The following GRID2 variants were observed in gnomAD, a reference collection of about 807,000 sequenced individuals.
GRID2 encodes the protein glutamate receptor ionotropic, delta-2.
A neutral mutation model predicts 114.8 loss-of-function variants in GRID2; 33 were observed. That is an observed-to-expected ratio of 0.29 (90% confidence interval 0.22 to 0.38). The LOEUF (loss-of-function observed/expected upper bound fraction) is 0.38, where lower values mean the gene tolerates loss of function less well. GRID2 is among the 10% of genes least tolerant of loss of function. The pLI, the probability that GRID2 is intolerant of heterozygous loss-of-function variation, is 1.00. For synonymous variants in GRID2, 505 were observed against 449.9 expected (o/e 1.12, Z -1.55); for missense variants, 1,184 against 1,257.7 (o/e 0.94, Z 0.89).
At chr4:93,038,587 G>A (rs577146611) in intron 2 of GRID2, among the ~76,000 whole-genome samples, 20 of 152,170 alleles carry the variant, frequency 1.3e-4, no homozygotes, top group East Asian at 5.8e-4. Flanking sequence ...TCAGGAGATC[G>A]AGACCATCCT....
At chr4:92,779,589 G>T (rs942870271) in intron 2 of GRID2, among the ~76,000 whole-genome samples, 3 of 152,064 alleles carry the variant, frequency 2.0e-5, no homozygotes, top group African/African-American at 7.2e-5. Context: ...CTTAGTTATG[G>T]CTTCCATCCT....
intron 2 of GRID2, among the ~76,000 whole-genome samples, chr4:93,075,355 T>G (rs1007523125): frequency 2.0e-5 from 3 of 152,086 alleles, no homozygotes; most frequent in Non-Finnish European, 4.4e-5. Context: ...CCAAAAACCT[T>G]CAGGTTATAT....
intron 10 of GRID2, among the ~76,000 whole-genome samples, chr4:93,442,845 T>C (rs1052642906): frequency 6.6e-6 from 1 of 151,990 alleles, no homozygotes; most frequent in Non-Finnish European, 1.5e-5. Flanking sequence ...ACCTCAAACA[T>C]TAAGTGTTCA....
At chr4:93,552,780 C>T (rs1347617333) in intron 13 of GRID2, among the ~76,000 whole-genome samples, 1 of 147,082 alleles carries the variant, frequency 6.8e-6, no homozygotes, top group African/African-American at 2.5e-5. Context: ...CTACCCCTCC[C>T]CCAGCCCCCC....
At chr4:92,974,190 G>C (rs1369506604) in intron 2 of GRID2, among the ~76,000 whole-genome samples, 3 of 152,154 alleles carry the variant, frequency 2.0e-5, no homozygotes, top group Non-Finnish European at 2.9e-5. Flanking sequence ...GGAAACAACA[G>C]ATGCTGGAGA....
intron 1 of GRID2, among the ~76,000 whole-genome samples, chr4:92,359,222 A>C (rs986885781): frequency 6.6e-6 from 1 of 151,874 alleles, no homozygotes; most frequent in Non-Finnish European, 1.5e-5. Flanking sequence ...TGTGACTTCT[A>C]TTCTTTCTCT....
At chr4:93,506,341 T>C (rs1379838155) in intron 12 of GRID2, among the ~76,000 whole-genome samples, 1 of 152,218 alleles carries the variant, frequency 6.6e-6, no homozygotes, top group Non-Finnish European at 1.5e-5. Context: ...TGTAATCTAA[T>C]CTACCACAGG....
intron 1 of GRID2, among the ~76,000 whole-genome samples, chr4:92,570,664 C>G (rs920454531): frequency 6.6e-6 from 1 of 151,188 alleles, no homozygotes; most frequent in African/African-American, 2.5e-5. Flanking sequence ...TGAAGAGAGC[C>G]TTCACTTCCC....
intron 1 of GRID2, among the ~76,000 whole-genome samples, chr4:92,548,965 TCAC>T (rs943912038): frequency 5.3e-5 from 8 of 151,920 alleles, no homozygotes; most frequent in Non-Finnish European, 1.2e-4. Context: ...CATGGCCAAA[TCAC>T]CTCCCACCAG....
chr4:92,582,599 A>C (rs1728233521), intron 1 of GRID2, among the ~76,000 whole-genome samples: 1 of 152,006 alleles, frequency 6.6e-6, no homozygotes, highest in Admixed American at 6.6e-5. Context: ...TAATTAATAA[A>C]ATTTTATAAA....
intron 14 of GRID2, among the ~76,000 whole-genome samples, chr4:93,744,937 A>AG (rs1223316745): frequency 6.6e-6 from 1 of 152,200 alleles, no homozygotes; most frequent in Non-Finnish European, 1.5e-5. Context: ...CACTAGCAAA[A>AG]CAACTGTGAC....
chr4:93,255,715 C>T (rs185185754), intron 8 of GRID2, among the ~76,000 whole-genome samples: 96 of 152,208 alleles, frequency 6.3e-4, no homozygotes, highest in African/African-American at 2.0e-3. Flanking sequence ...CCCCTTTGAA[C>T]TTCTGCCATG....
intron 14 of GRID2, among the ~76,000 whole-genome samples, chr4:93,730,031 AT>A (rs1016060870): frequency 5.9e-5 from 9 of 152,190 alleles, no homozygotes; most frequent in African/African-American, 2.2e-4. Flanking sequence ...TATATGAATG[AT>A]GAATGAGTGA....
chr4:92,462,643 A>G (rs1292531237), intron 1 of GRID2, among the ~76,000 whole-genome samples: 2 of 151,986 alleles, frequency 1.3e-5, no homozygotes, highest in Non-Finnish European at 2.9e-5. Flanking sequence ...TTGTAATTTA[A>G]TGGACTCCCT....
intron 14 of GRID2, among the ~76,000 whole-genome samples, chr4:93,635,161 CT>C (rs1003105474): frequency 1.3e-5 from 2 of 151,362 alleles, no homozygotes; most frequent in Admixed American, 1.3e-4. Context: ...ATACATCAGA[CT>C]TTTTTTTAAT....
chr4:92,419,358 G>C (rs754639763), intron 1 of GRID2, among the ~76,000 whole-genome samples: 1 of 152,102 alleles, frequency 6.6e-6, no homozygotes, highest in African/African-American at 2.4e-5. Context: ...TGAAGCTGTG[G>C]ATATGGATGA....
intron 4 of GRID2, among the ~76,000 whole-genome samples, chr4:93,162,957 C>T (rs1029874401): frequency 1.8e-4 from 27 of 151,990 alleles, no homozygotes; most frequent in African/African-American, 5.1e-4. Flanking sequence ...AAGCACTTAC[C>T]GCATTTTCTA....
In GRID2 at chr4:92,652,881, A is replaced by C. The variant is rs867980794; in HGVS notation, c.244+62595A>C. Among the ~76,000 whole-genome samples, 39 of 121,352 alleles carry C rather than the reference A, an allele frequency of 3.2e-4. 1 individual carries two copies. Among genetic ancestry groups the C allele is most frequent in the Non-Finnish European group, 5.1e-4 (30 of 58,896 alleles). 79.6% of individuals were successfully genotyped at this position (121,352 alleles called of 152,430 possible). On this transcript the variant is annotated intron_variant, in intron 2 of 15. Transcript: ENST00000282020. ...ATATAAATACATATAAATATATAAA[A>C]ATATATTTATAAATACATATAAATA...
chr4:92,538,432 C>T (rs1025269865), intron 1 of GRID2, among the ~76,000 whole-genome samples: 7 of 152,090 alleles, frequency 4.6e-5, no homozygotes, highest in African/African-American at 1.4e-4. Flanking sequence ...CTAATGTGCT[C>T]AGTGTTTTTA....
Sources: gnomAD v4.1 joint callset for allele counts (sites outside exome capture counted in the v4.1 genomes callset) on GRCh38, gnomAD v4.1.1 for gene constraint, MANE v1.5 for transcripts, NCBI Gene and HGNC (gene_info 2026-07-23, HGNC 2026-07-21) for gene names.